ZWILCH: variants seen among roughly 807,000 people sequenced by gnomAD.
ZWILCH encodes protein zwilch homolog.
Under a neutral mutation model 79.9 loss-of-function variants are expected in ZWILCH, and 74 were observed. That is an observed-to-expected ratio of 0.93 (90% CI 0.77 to 1.12). The LOEUF (loss-of-function observed/expected upper bound fraction) is 1.12. Ranked by LOEUF, ZWILCH falls within the 50% of genes most tolerant of loss-of-function variation. The probability of loss-of-function intolerance (pLI) is 0.00; values close to 1 mark genes in which losing one functional copy is unlikely to be tolerated. For missense variants in ZWILCH, 694 were observed against 687.5 expected, an observed-to-expected ratio of 1.01 and a Z score of -0.11; for synonymous variants, 241 against 228.2, an observed-to-expected ratio of 1.06 and a Z score of -0.51.
chr15:66,544,708 GTT>G (rs1345194831), intron 17 of ZWILCH, among the ~76,000 whole-genome samples: 3 of 99,438 alleles, frequency 3.0e-5, no homozygotes, highest in Non-Finnish European at 6.0e-5. Context: ...TTGTTTTTTT[GTT>G]GTTTTTTTGG....
At chr15:66,537,846 T>G (rs1350533680) in intron 16 of ZWILCH, among the ~76,000 whole-genome samples, 2 of 152,192 alleles carry the variant, frequency 1.3e-5, no homozygotes, top group Non-Finnish European at 2.9e-5. Flanking sequence ...GTGACCATAG[T>G]CTGAGAGAGT....
chr15:66,529,674 G>C (rs1894801474), intron 12 of ZWILCH, 101 bp downstream of exon 12: 1 of 870,478 alleles, frequency 1.1e-6, no homozygotes, highest in Non-Finnish European at 1.9e-6. Context: ...TTTCAGCTCT[G>C]CTACTTTCTA....
intron 6 of ZWILCH, 53 bp downstream of exon 6, chr15:66,520,713 C>A: frequency 1.7e-6 from 2 of 1,208,016 alleles, no homozygotes; most frequent in Non-Finnish European, 2.4e-6. Context: ...TGTCAACCTG[C>A]CTTCCTAGTT....
chr15:66,515,874 T>C (rs1894233490), intron 4 of ZWILCH, among the ~76,000 whole-genome samples: 1 of 152,150 alleles, frequency 6.6e-6, no homozygotes, highest in East Asian at 1.9e-4. Flanking sequence ...CTATACCAAT[T>C]TATTGTTGTT....
intron 15 of ZWILCH, 106 bp from the exon 16 acceptor site, chr15:66,537,062 T>G (rs1895037246): frequency 3.0e-6 from 2 of 674,322 alleles, no homozygotes; most frequent in Non-Finnish European, 5.0e-6. Flanking sequence ...GATGTTTTAG[T>G]TAGTAGTACT....
intron 2 of ZWILCH, among the ~76,000 whole-genome samples, chr15:66,513,394 C>T (rs1160965247): frequency 6.6e-6 from 1 of 151,650 alleles, no homozygotes; most frequent in Non-Finnish European, 1.5e-5. Context: ...AGCGAGACCC[C>T]ATCTGTATGA....
In ZWILCH at chr15:66,537,244, G is replaced by A. The variant is rs753952884; in HGVS notation, c.1555G>A (p.Val519Ile). The A allele has an allele frequency of 2.5e-6, 4 of 1,612,822 alleles. No individual in the cohort carries two copies. In the South Asian group the frequency reaches 3.3e-5, roughly 13 times the overall value. Reference sequence around the variant, plus strand: ...TCAGCTGCCAGTCAGACCAACTGCTGTAAAGAACTTATATCAAAGGTAAGC... The same window carrying A: ...TCAGCTGCCAGTCAGACCAACTGCTATAAAGAACTTATATCAAAGGTAAGC... ...IFQLPVRPTA[V>I]KNLYQSEKPQ... Residue 519 changes from valine to isoleucine, a missense_variant, in exon 16 of 19, where the codon GTA becomes ATA. Coordinates refer to ENST00000307897, the MANE Select transcript of ZWILCH (RefSeq NM_017975.5).
rs1195522096 is a variant in ZWILCH at position 66,518,943 on chromosome 15, C to G, written c.385C>G (p.Pro129Ala). ...TATGACCCATTTGAAGATTAATCTGCCAGTTACTGCCCTTCCTCCCCTTTG... is the reference window on the plus strand; with the variant it reads ...TATGACCCATTTGAAGATTAATCTGGCAGTTACTGCCCTTCCTCCCCTTTG... ...PNMTHLKINLPVTALPPLWVR... is the reference protein window; with the variant it reads ...PNMTHLKINLAVTALPPLWVR... The change falls in exon 5 of 19, where the codon CCA (proline) becomes GCA (alanine). Residue 129 changes from proline to alanine, a missense_variant. Transcript: ENST00000307897. The G allele has an allele frequency of 6.2e-7, 1 of 1,614,188 alleles. No homozygotes were observed. Among genetic ancestry groups the G allele is most frequent in the Non-Finnish European group, 8.5e-7 (1 of 1,180,032 alleles).
intron 7 of ZWILCH, among the ~76,000 whole-genome samples, chr15:66,522,425 C>T (rs747714487): frequency 2.0e-5 from 3 of 151,078 alleles, no homozygotes; most frequent in Non-Finnish European, 3.0e-5. Context: ...TCTCTGCCTC[C>T]CTCCCGGGTT....
At chr15:66,514,779 T>G (rs1894194601) in intron 3 of ZWILCH, among the ~76,000 whole-genome samples, 1 of 152,206 alleles carries the variant, frequency 6.6e-6, no homozygotes, top group South Asian at 2.1e-4. Flanking sequence ...TGGATAATAG[T>G]ACCCACTAAC....
chr15:66,513,952 T>G, intron 2 of ZWILCH, 36 bp from the exon 3 acceptor site: 1 of 1,451,962 alleles, frequency 6.9e-7, no homozygotes, highest in Non-Finnish European at 9.6e-7. Context: ...AATATATAAG[T>G]GTATGTATAA....
At chr15:66,509,852 T>C (rs1187681976) in intron 2 of ZWILCH, among the ~76,000 whole-genome samples, 4 of 99,368 alleles carry the variant, frequency 4.0e-5, no homozygotes, top group African/African-American at 1.4e-4. Flanking sequence ...TATATATATA[T>C]ATATATATAT....
intron 18 of ZWILCH, chr15:66,547,901 C>T (rs1016645928): frequency 3.3e-5 from 5 of 152,760 alleles, no homozygotes; most frequent in African/African-American, 1.2e-4. Flanking sequence ...ATTCTCCTGC[C>T]TCAGCCTCCC....
Position 66,548,881 on chromosome 15 carries a change from C to T in ZWILCH, c.*557C>T, listed in dbSNP as rs935538583. 1 of 193,702 alleles carries T rather than the reference C, an allele frequency of 5.2e-6. No individual in the cohort carries two copies. 12.0% of individuals were successfully genotyped at this position (193,702 alleles called of 1,614,324 possible). A position where few individuals can be genotyped will look rare whatever the true frequency, so the allele number is the denominator to read the frequency against. ...TAAAGTCCATCTCTCAATACTTATA[C>T]TTTCTAAATTCATCTCAGAATATTA... On this transcript the variant is annotated 3_prime_UTR_variant, in exon 19 of 19. Transcript: ENST00000307897.
At chr15:66,538,541 C>G (rs570903273) in intron 16 of ZWILCH, among the ~76,000 whole-genome samples, 121 of 152,226 alleles carry the variant, frequency 7.9e-4, no homozygotes, top group Admixed American at 5.5e-3. Flanking sequence ...CACCACCACA[C>G]CCGGCTAATT....
chr15:66,517,221 T>A (rs954801824), intron 4 of ZWILCH, among the ~76,000 whole-genome samples: 3 of 151,642 alleles, frequency 2.0e-5, no homozygotes, highest in Non-Finnish European at 4.4e-5. Flanking sequence ...TTTTACAGCA[T>A]TTGCTTCTTT....
chr15:66,521,249 A>G (rs1894484822), intron 7 of ZWILCH, 44 bp downstream of exon 7: 3 of 1,595,086 alleles, frequency 1.9e-6, no homozygotes, highest in South Asian at 1.1e-5. Context: ...TGAGACTCCT[A>G]AATGTTGGCT....
At chr15:66,539,712 C>T (rs1029344999) in intron 16 of ZWILCH, among the ~76,000 whole-genome samples, 15 of 152,284 alleles carry the variant, frequency 9.9e-5, no homozygotes, top group African/African-American at 3.4e-4. Context: ...TCTTAACCCT[C>T]GGTGCATACT....
Position 66,533,147 on chromosome 15 carries a change from G to A in ZWILCH, c.1341+134G>A, listed in dbSNP as rs139518597. On this transcript the variant is annotated intron_variant, in intron 14 of 18. Transcript: ENST00000307897. ...TGGATAAATAAGACAGTCAGTGCCC[G>A]TAGTTATTACTGCCTAGTAAGATAG... is the stretch of plus-strand genomic sequence containing the variant. 1,606 of 494,776 alleles carry A rather than the reference G, an allele frequency of 3.2e-3. 6 individuals carry two copies. The highest frequency in any genetic ancestry group is 4.1e-3 in the Non-Finnish European group (1,199 of 291,110). 30.6% of individuals were successfully genotyped at this position (494,776 alleles called of 1,614,324 possible). A position where few individuals can be genotyped will look rare whatever the true frequency, so the allele number is the denominator to read the frequency against.
Sources: allele counts gnomAD v4.1 joint callset (sites outside exome capture counted in the v4.1 genomes callset), GRCh38; gene constraint gnomAD v4.1.1; transcripts MANE v1.5; gene names NCBI Gene and HGNC (gene_info 2026-07-23, HGNC 2026-07-21).